PTPRD: variants seen among roughly 807,000 people sequenced by gnomAD.
The protein encoded by PTPRD is receptor-type tyrosine-protein phosphatase delta.
Under a neutral mutation model 214.5 loss-of-function variants are expected in PTPRD, and 34 were observed. The observed-to-expected ratio is 0.16, with a 90% confidence interval of 0.12 to 0.21. The LOEUF (loss-of-function observed/expected upper bound fraction) is 0.21. Ranked by LOEUF, PTPRD falls within the 10% of genes least tolerant of loss-of-function variation. The probability of loss-of-function intolerance (pLI) is 1.00; values close to 1 mark genes in which losing one functional copy is unlikely to be tolerated. For missense variants in PTPRD, 2,545 were observed against 2,398.7 expected (o/e 1.06, Z -1.27); for synonymous variants, 1,128 against 845.7 (o/e 1.33, Z -5.79).
chr9:8,829,129 C>G lies in PTPRD; in HGVS notation c.-103-95183G>C, dbSNP rs1470052564. Among the ~76,000 whole-genome samples, 7 of 152,078 alleles carry G rather than the reference C, an allele frequency of 4.6e-5. No individual in the cohort carries two copies. The East Asian group carries it at 1.2e-3, about 25-fold the overall frequency. On this transcript the variant is annotated intron_variant, in intron 11 of 45. Coordinates refer to ENST00000381196, the MANE Select transcript of PTPRD (RefSeq NM_002839.4). ...TTTTATTTTTATAATTGAAGTATAG[C>G]TTATATAAGTGAATTGCCCGGGTTT...
At chr9:10,202,699 T>TATATATATATGC (rs58134083) in intron 3 of PTPRD, among the ~76,000 whole-genome samples, 1 of 144,990 alleles carries the variant, frequency 6.9e-6, no homozygotes, top group Non-Finnish European at 1.5e-5. Flanking sequence ...TATATATATA[T>TATATATATATGC]GCACCAGTGA....
At chr9:10,571,800 G>C (rs910732251) in intron 2 of PTPRD, among the ~76,000 whole-genome samples, 1 of 152,066 alleles carries the variant, frequency 6.6e-6, no homozygotes, top group Non-Finnish European at 1.5e-5. Context: ...AGGCGACCTA[G>C]ATCTCTCACA....
At chr9:9,671,633 G>A (rs1594827794) in intron 7 of PTPRD, among the ~76,000 whole-genome samples, 1 of 152,032 alleles carries the variant, frequency 6.6e-6, no homozygotes, top group South Asian at 2.1e-4. Context: ...AATCGTGAGG[G>A]CAGTTTCCCC....
intron 8 of PTPRD, among the ~76,000 whole-genome samples, chr9:9,401,566 C>A (rs2070509228): frequency 6.6e-6 from 1 of 150,888 alleles, no homozygotes; most frequent in South Asian, 2.1e-4. Context: ...ATAGACCAGC[C>A]TTTCTCTGTA....
At chr9:9,039,981 A>ATT (rs3046926) in intron 10 of PTPRD, among the ~76,000 whole-genome samples, 2,129 of 149,358 alleles carry the variant, frequency 0.014, 29 homozygotes, top group South Asian at 0.03. Flanking sequence ...CTTCCTGTGC[A>ATT]TTTTTTTTTT....
chr9:8,343,797 TG>T (rs1305052174), intron 39 of PTPRD, among the ~76,000 whole-genome samples: 3 of 152,066 alleles, frequency 2.0e-5, no homozygotes, highest in Admixed American at 2.0e-4. Flanking sequence ...CAACAGTGTT[TG>T]TGAAATAAGT....
At chr9:9,329,269 A>C (rs1391251788) in intron 9 of PTPRD, among the ~76,000 whole-genome samples, 1 of 152,148 alleles carries the variant, frequency 6.6e-6, no homozygotes, top group African/African-American at 2.4e-5. Flanking sequence ...AAAAAACAAA[A>C]ACACAAAAAA....
chr9:9,773,441 T>C (rs970051024), intron 5 of PTPRD, among the ~76,000 whole-genome samples: 1 of 152,160 alleles, frequency 6.6e-6, no homozygotes, highest in Non-Finnish European at 1.5e-5. Flanking sequence ...TTGACAGTGA[T>C]GACATCCAAT....
intron 5 of PTPRD, among the ~76,000 whole-genome samples, chr9:9,829,417 G>T (rs1428647046): frequency 6.6e-6 from 1 of 151,768 alleles, no homozygotes; most frequent in African/African-American, 2.4e-5. Context: ...ACAAGCACAG[G>T]TGTTGTGGAA....
chr9:9,984,793 C>T (rs1455272900), intron 4 of PTPRD, among the ~76,000 whole-genome samples: 3 of 152,010 alleles, frequency 2.0e-5, no homozygotes, highest in Admixed American at 2.0e-4. Flanking sequence ...TCTCGGAGGC[C>T]TGGAATACCC....
At chr9:9,013,380 T>C (rs2099519917) in intron 11 of PTPRD, among the ~76,000 whole-genome samples, 2 of 152,152 alleles carry the variant, frequency 1.3e-5, no homozygotes, top group South Asian at 2.1e-4. Context: ...TCATTGATGA[T>C]AGCAAAGAAG....
chr9:9,597,212 G>C (rs2093419391), intron 7 of PTPRD, among the ~76,000 whole-genome samples: 2 of 151,872 alleles, frequency 1.3e-5, no homozygotes, highest in South Asian at 4.1e-4. Flanking sequence ...AAAGAGAAAA[G>C]GCCAACAGAT....
At chr9:9,862,728 G>C (rs1218737127) in intron 5 of PTPRD, among the ~76,000 whole-genome samples, 1 of 149,676 alleles carries the variant, frequency 6.7e-6, no homozygotes, top group East Asian at 2.0e-4. Flanking sequence ...TTGGTGGGGG[G>C]CGGGGGGGGG....
intron 8 of PTPRD, among the ~76,000 whole-genome samples, chr9:9,437,371 C>T (rs990238204): frequency 6.6e-6 from 1 of 152,076 alleles, no homozygotes; most frequent in African/African-American, 2.4e-5. Context: ...TTTTTGATTG[C>T]ACTGTCACCA....
At chr9:8,354,671 T>G (rs2076523783) in intron 39 of PTPRD, among the ~76,000 whole-genome samples, 1 of 152,178 alleles carries the variant, frequency 6.6e-6, no homozygotes, top group Non-Finnish European at 1.5e-5. Flanking sequence ...TTTACAGGCT[T>G]AAGAATTTGA....
At chr9:10,506,818 G>A (rs567777757) in intron 2 of PTPRD, among the ~76,000 whole-genome samples, 7 of 152,070 alleles carry the variant, frequency 4.6e-5, no homozygotes, top group East Asian at 3.9e-4. Context: ...TTGGGTTTGC[G>A]TGATATTTCC....
chr9:9,590,405 A>T (rs999384013), intron 7 of PTPRD, among the ~76,000 whole-genome samples: 2 of 152,016 alleles, frequency 1.3e-5, no homozygotes, highest in African/African-American at 4.8e-5. Context: ...CAACCTTGAA[A>T]ATGAAGGTTA....
chr9:9,043,667 G>T (rs1338690789), intron 10 of PTPRD, among the ~76,000 whole-genome samples: 1 of 152,080 alleles, frequency 6.6e-6, no homozygotes, highest in Non-Finnish European at 1.5e-5. Context: ...ACTTTGTGAG[G>T]CCAAGGCAGG....
chr9:10,433,780 G>T (rs1010165451), intron 2 of PTPRD, among the ~76,000 whole-genome samples: 4 of 151,914 alleles, frequency 2.6e-5, no homozygotes, highest in South Asian at 2.1e-4. Flanking sequence ...TTCTATTAAA[G>T]AATGCTTTTA....
Sources: gnomAD v4.1 joint callset for allele counts (sites outside exome capture counted in the v4.1 genomes callset) on GRCh38, gnomAD v4.1.1 for gene constraint, MANE v1.5 for transcripts, NCBI Gene and HGNC (gene_info 2026-07-23, HGNC 2026-07-21) for gene names.